Variants in MAN1A1 observed in about 807,000 individuals in gnomAD.
MAN1A1 encodes mannosidase alpha class 1A member 1.
MAN1A1 carries 29 observed loss-of-function variants against 70.8 expected under a neutral mutation model. The ratio of observed to expected loss-of-function variants is 0.41; its 90% confidence interval spans 0.31 to 0.56. The LOEUF (loss-of-function observed/expected upper bound fraction) is 0.56, where lower values mean the gene tolerates loss of function less well. MAN1A1 is among the 20% of genes least tolerant of loss of function. The pLI is 0.29. For synonymous variants in MAN1A1, 349 were observed against 330.1 expected (o/e 1.06, Z -0.62); for missense variants, 747 against 841.3 (o/e 0.89, Z 1.39).
chr6:119,349,092 C>T lies in MAN1A1; in HGVS notation c.-27G>A. On this transcript the variant is annotated 5_prime_UTR_variant, in exon 2 of 13. Transcript: ENST00000368468. ...GCTCCCGCTGTCCAGTGGTCCGGCG[C>T]CGCGCCGCTCAGCAGCCAAACTTCG... 1 of 1,271,624 alleles carries T rather than the reference C, an allele frequency of 7.9e-7. No homozygotes were observed. The allele number at this position is 1,271,624 out of a possible 1,614,324, so 78.8% of individuals were successfully genotyped here.
chr6:119,239,094 G>T (rs1384530467), intron 6 of MAN1A1, among the ~76,000 whole-genome samples: 1 of 151,942 alleles, frequency 6.6e-6, no homozygotes, highest in African/African-American at 2.4e-5. Context: ...GTTTCACCGT[G>T]GTCTCGATCT....
At chr6:119,318,452 A>G (rs895195382) in intron 2 of MAN1A1, among the ~76,000 whole-genome samples, 1 of 152,230 alleles carries the variant, frequency 6.6e-6, no homozygotes, top group Non-Finnish European at 1.5e-5. Flanking sequence ...CCTGAGCCAA[A>G]TGTGTGACCC....
chr6:119,301,843 T>C (rs1772398589), intron 4 of MAN1A1, 145 bp downstream of exon 4: 1 of 537,120 alleles, frequency 1.9e-6, no homozygotes. Context: ...TTTAAGAATA[T>C]AGTATAAGAT....
intron 5 of MAN1A1, among the ~76,000 whole-genome samples, chr6:119,273,850 C>G (rs1775987197): frequency 6.6e-6 from 1 of 152,064 alleles, no homozygotes; most frequent in Admixed American, 6.5e-5. Context: ...GTATTTTATT[C>G]TGAGTATTCA....
intron 5 of MAN1A1, 92 bp downstream of exon 5, chr6:119,290,591 C>A: frequency 1.2e-6 from 1 of 824,932 alleles, no homozygotes. Flanking sequence ...CCATAGATTC[C>A]TTCTAAATAT....
chr6:119,272,604 G>A (rs998194), intron 5 of MAN1A1, among the ~76,000 whole-genome samples: 73,876 of 151,830 alleles, frequency 0.49, 18,312 homozygotes, highest in East Asian at 0.74. Context: ...TTAATAGAGC[G>A]TATACACTTA....
In MAN1A1 at chr6:119,349,720, G is replaced by A; in HGVS notation, c.-401C>T. On this transcript the variant is annotated 5_prime_UTR_variant, in exon 1 of 13. Transcript: ENST00000368468. ...CCGACCTGCGGGCGAATGGCAGCGA[G>A]TAGAGCAGCACGGTACACTCCGCCG... is the stretch of plus-strand genomic sequence containing the variant. 2.0e-6 allele frequency: 2 copies of A among 985,824 alleles called. No homozygotes were observed. The highest frequency in any genetic ancestry group is 1.2e-6 in the Non-Finnish European group (1 of 830,092). 61.1% of individuals were successfully genotyped at this position (985,824 alleles called of 1,614,324 possible). A position where few individuals can be genotyped will look rare whatever the true frequency, so the allele number is the denominator to read the frequency against.
chr6:119,180,213 G>C (rs1254368594), intron 12 of MAN1A1, 99 bp downstream of exon 12: 2 of 848,692 alleles, frequency 2.4e-6, no homozygotes, highest in East Asian at 4.9e-5. Flanking sequence ...TTCTGAATCA[G>C]GCATACTTGA....
intron 6 of MAN1A1, among the ~76,000 whole-genome samples, chr6:119,223,696 C>A (rs1422267635): frequency 6.6e-6 from 1 of 152,010 alleles, no homozygotes; most frequent in Non-Finnish European, 1.5e-5. Context: ...TTTAGGAGAT[C>A]TGATATTATG....
At chr6:119,232,563 G>A (rs987721552) in intron 6 of MAN1A1, among the ~76,000 whole-genome samples, 1 of 151,624 alleles carries the variant, frequency 6.6e-6, no homozygotes, top group African/African-American at 2.4e-5. Context: ...TATTTCTTTC[G>A]GTTCCAATAG....
intron 2 of MAN1A1, among the ~76,000 whole-genome samples, chr6:119,324,819 C>A (rs1204568454): frequency 6.6e-6 from 1 of 152,074 alleles, no homozygotes; most frequent in Non-Finnish European, 1.5e-5. Flanking sequence ...TAAACTGGGG[C>A]TTTTAATCTT....
intron 4 of MAN1A1, among the ~76,000 whole-genome samples, chr6:119,300,546 G>A (rs971435498): frequency 6.6e-5 from 10 of 152,134 alleles, no homozygotes; most frequent in Non-Finnish European, 8.8e-5. Context: ...GAGCCACCAC[G>A]CCCGGTCCAC....
chr6:119,254,785 G>T (rs1428924888), intron 5 of MAN1A1, among the ~76,000 whole-genome samples: 1 of 152,260 alleles, frequency 6.6e-6, no homozygotes, highest in East Asian at 1.9e-4. Context: ...CATAACAAAA[G>T]TCAAAACAAT....
chr6:119,328,047 A>G (rs1358971413), intron 2 of MAN1A1, among the ~76,000 whole-genome samples: 3 of 152,138 alleles, frequency 2.0e-5, no homozygotes, highest in Non-Finnish European at 4.4e-5. Flanking sequence ...TTTTGGCCTT[A>G]TGAGACTCAG....
At chr6:119,209,923 C>T (rs140787463) in intron 6 of MAN1A1, among the ~76,000 whole-genome samples, 1 of 152,266 alleles carries the variant, frequency 6.6e-6, no homozygotes, top group African/African-American at 2.4e-5. Flanking sequence ...ACCCATAAAC[C>T]CCAGCTTCCT....
chr6:119,282,134 C>T (rs991804651), intron 5 of MAN1A1, among the ~76,000 whole-genome samples: 4 of 152,150 alleles, frequency 2.6e-5, no homozygotes, highest in Non-Finnish European at 1.5e-5. Flanking sequence ...CGTTAGGTTT[C>T]AAGCACTCAC....
At chr6:119,324,416 G>T (rs1260530996) in intron 2 of MAN1A1, among the ~76,000 whole-genome samples, 1 of 152,100 alleles carries the variant, frequency 6.6e-6, no homozygotes, top group Non-Finnish European at 1.5e-5. Flanking sequence ...AAGTTTGGGG[G>T]GGAATCGAAA....
chr6:119,182,168 C>T (rs58744690), intron 11 of MAN1A1, among the ~76,000 whole-genome samples: 26,104 of 152,086 alleles, frequency 0.17, 2,709 homozygotes, highest in East Asian at 0.3. Context: ...GCCATCTGTA[C>T]GTCTTCTTTG....
At chr6:119,263,727 A>G (rs938114847) in intron 5 of MAN1A1, among the ~76,000 whole-genome samples, 5 of 152,172 alleles carry the variant, frequency 3.3e-5, no homozygotes, top group African/African-American at 1.2e-4. Context: ...TACAGGAAAA[A>G]ACAACAACAA....
Sources: allele counts gnomAD v4.1 joint callset (sites outside exome capture counted in the v4.1 genomes callset), GRCh38; gene constraint gnomAD v4.1.1; transcripts MANE v1.5; gene names NCBI Gene and HGNC (gene_info 2026-07-23, HGNC 2026-07-21).